Variants in SUPT20H observed in about 807,000 individuals in gnomAD.
SUPT20H encodes the protein transcription factor SPT20 homolog.
SUPT20H carries 82 observed loss-of-function variants against 122.8 expected under a neutral mutation model. The ratio of observed to expected loss-of-function variants is 0.67; its 90% CI spans 0.56 to 0.80. SUPT20H has a LOEUF of 0.80. Ranked by LOEUF, SUPT20H falls within the 30% of genes least tolerant of loss-of-function variation. The pLI is 0.00. For synonymous variants in SUPT20H, 291 were observed against 313.0 expected, an observed-to-expected ratio of 0.93 and a Z score of 0.74; for missense variants, 831 against 921.6, an observed-to-expected ratio of 0.90 and a Z score of 1.27.
At chr13:37,017,793 A>T (rs1489269644) in intron 22 of SUPT20H, among the ~76,000 whole-genome samples, 1 of 152,232 alleles carries the variant, frequency 6.6e-6, no homozygotes, top group Non-Finnish European at 1.5e-5. Flanking sequence ...CAAATATTAT[A>T]CAAGATCTTT....
chr13:37,012,015 C>G (rs896650488), intron 24 of SUPT20H, among the ~76,000 whole-genome samples, 177 bp downstream of exon 24: 14 of 152,144 alleles, frequency 9.2e-5, no homozygotes, highest in African/African-American at 3.4e-4. Flanking sequence ...TCTTAATCCA[C>G]TATCAATGAA....
intron 9 of SUPT20H, chr13:37,038,955 T>C (rs963153380): frequency 6.6e-6 from 1 of 152,218 alleles, no homozygotes; most frequent in Admixed American, 6.5e-5. Flanking sequence ...CTGATGCTTT[T>C]TGAAAAGTTT....
chr13:37,030,326 C>T (rs1247028438), intron 12 of SUPT20H, among the ~76,000 whole-genome samples: 1 of 152,100 alleles, frequency 6.6e-6, no homozygotes, highest in African/African-American at 2.4e-5. Flanking sequence ...CAGACTTGAC[C>T]ATATATTCTG....
chr13:37,026,572 G>A (rs1050623228), intron 15 of SUPT20H, among the ~76,000 whole-genome samples: 3 of 151,992 alleles, frequency 2.0e-5, no homozygotes, highest in Non-Finnish European at 4.4e-5. Flanking sequence ...CAAAATCACT[G>A]AACTAACATG....
At chr13:37,011,033 G>A (rs969468798) in intron 24 of SUPT20H, among the ~76,000 whole-genome samples, 1 of 152,216 alleles carries the variant, frequency 6.6e-6, no homozygotes, top group Admixed American at 6.5e-5. Flanking sequence ...TAACAACAAA[G>A]CTGGTAGACA....
At chr13:37,038,339 T>G (rs1420523229) in intron 9 of SUPT20H, 1 of 152,218 alleles carries the variant, frequency 6.6e-6, no homozygotes, top group African/African-American at 2.4e-5. Flanking sequence ...CTCAGTTACT[T>G]GGCTGCCTAA....
chr13:37,040,809 T>C (rs780888921), intron 7 of SUPT20H, 117 bp from the exon 8 acceptor site: 4 of 717,092 alleles, frequency 5.6e-6, no homozygotes, highest in Non-Finnish European at 9.8e-6. Context: ...CACTCATGTA[T>C]GTACTCTTCA....
chr13:37,034,819 T>C (rs559513474), intron 9 of SUPT20H, among the ~76,000 whole-genome samples: 1 of 152,332 alleles, frequency 6.6e-6, no homozygotes, highest in African/African-American at 2.4e-5. Flanking sequence ...ATGCAGCTGA[T>C]GACTTGATGC....
chr13:37,049,093 GAATA>G (rs1376063080), intron 2 of SUPT20H, among the ~76,000 whole-genome samples: 2 of 152,066 alleles, frequency 1.3e-5, no homozygotes, highest in Non-Finnish European at 2.9e-5. Context: ...TGCCTAGAAA[GAATA>G]AATGATGGCT....
chr13:37,048,510 C>T, intron 3 of SUPT20H, 54 bp downstream of exon 3: 1 of 1,495,522 alleles, frequency 6.7e-7, no homozygotes. Flanking sequence ...TAAAACTGAG[C>T]TTTTGTCAAT....
At chr13:37,050,795 T>C (rs796765866) in intron 2 of SUPT20H, among the ~76,000 whole-genome samples, 22 of 152,254 alleles carry the variant, frequency 1.4e-4, no homozygotes, top group African/African-American at 4.1e-4. Context: ...TTTTCTCTAA[T>C]AGGGGAGGAG....
In SUPT20H at chr13:37,009,326, T is replaced by C; in HGVS notation, c.*346A>G. 1.6e-6 allele frequency: 2 copies of C among 1,282,700 alleles called. No individual in the cohort carries two copies. The highest frequency in any genetic ancestry group is 2.3e-6 in the Non-Finnish European group (2 of 887,680). 79.5% of individuals were successfully genotyped at this position (1,282,700 alleles called of 1,614,324 possible). ...CAGCCACCACATTTTCAAAACAGAT[T>C]TGTAAAAATTGTATTTGTTAACACT... On this transcript the variant is annotated 3_prime_UTR_variant, in exon 26 of 26. Transcript: ENST00000350612.
intron 19 of SUPT20H, chr13:37,023,185 A>G: frequency 2.4e-6 from 2 of 838,274 alleles, no homozygotes; most frequent in South Asian, 5.0e-5. Flanking sequence ...GAAAATTTAT[A>G]TATTTTTCTT....
At position 37,031,623 on chromosome 13, in the gene SUPT20H, A is replaced by G. The variant is rs995335247; in HGVS notation, c.865T>C (p.Cys289Arg). ...GGACTCCGTTTCCACATATCTACAC[A>G]CTGAAAAATTAAAAACAATATACTG... is the stretch of plus-strand genomic sequence containing the variant. ...YDLKISKAGN[C>R]VDMWKRSPCN... The change falls in exon 12 of 26, where the codon TGT (cysteine) becomes CGT (arginine). Residue 289 changes from cysteine (C) to arginine (R), a missense_variant and splice_region_variant. By Grantham distance (180) the Cys-to-Arg change is radical. Transcript: ENST00000350612. 1.5e-5 allele frequency: 24 copies of G among 1,566,520 alleles called. No individual in the cohort carries two copies. The Admixed American group carries it at 4.2e-4, about 27-fold the overall frequency.
chr13:37,031,966 A>C (rs2138089647), intron 10 of SUPT20H, 71 bp from the exon 11 acceptor site: 1 of 1,373,410 alleles, frequency 7.3e-7, no homozygotes, highest in Non-Finnish European at 9.9e-7. Flanking sequence ...AGTTGAAACT[A>C]GTCAGTGCTG....
chr13:37,037,007 C>T (rs1203297394), intron 9 of SUPT20H, among the ~76,000 whole-genome samples: 1 of 151,790 alleles, frequency 6.6e-6, no homozygotes, highest in Non-Finnish European at 1.5e-5. Flanking sequence ...TCAGCCTGGG[C>T]AACACAGTGA....
rs145994634 is a variant in SUPT20H at position 37,037,371 on chromosome 13, A to G, written c.567+3034T>C. ...TGTAAATGTAACCTTTTTATAGACT[A>G]GGAAACCAAAAAGTTCATGTGACTT... On this transcript the variant is annotated intron_variant, in intron 9 of 25. Coordinates refer to ENST00000350612, the MANE Select transcript of SUPT20H (RefSeq NM_001014286.3). 2.6e-5 allele frequency among the ~76,000 whole-genome samples: 4 copies of G among 152,334 alleles called. No homozygotes were observed. In the East Asian group the frequency reaches 7.7e-4, roughly 29 times the overall value.
At chr13:37,037,302 G>A (rs930825146) in intron 9 of SUPT20H, among the ~76,000 whole-genome samples, 3 of 152,140 alleles carry the variant, frequency 2.0e-5, no homozygotes, top group Non-Finnish European at 2.9e-5. Flanking sequence ...CTGCACAAGG[G>A]CCACTGCCCC....
chr13:37,051,497 A>G lies in SUPT20H; in HGVS notation c.-7T>C, dbSNP rs766241731. On this transcript the variant is annotated 5_prime_UTR_variant, in exon 2 of 26. An upstream start codon of the reference 5' UTR is lost. Coordinates refer to ENST00000350612, the MANE Select transcript of SUPT20H (RefSeq NM_001014286.3). ...CTGAGCTGAAGCTTACCATTATGGC[A>G]TAAAATAAGGGTCCAAAAGAAGAGA... 3 of 1,611,786 alleles carry G rather than the reference A, an allele frequency of 1.9e-6. No homozygotes were observed. The highest frequency in any genetic ancestry group is 1.7e-6 in the Non-Finnish European group (2 of 1,178,368).
Sources: allele counts gnomAD v4.1 joint callset (sites outside exome capture counted in the v4.1 genomes callset), GRCh38; gene constraint gnomAD v4.1.1; transcripts MANE v1.5; gene names NCBI Gene and HGNC (gene_info 2026-07-23, HGNC 2026-07-21).